The following G2E3 variants were observed in gnomAD, a reference collection of about 807,000 sequenced individuals.
G2E3 encodes the protein G2/M phase-specific E3 ubiquitin-protein ligase.
A neutral mutation model predicts 92.8 loss-of-function variants in G2E3; 35 were observed. The observed-to-expected ratio is 0.38, with a 90% CI of 0.29 to 0.50. The LOEUF (loss-of-function observed/expected upper bound fraction) is 0.50, where lower values mean the gene tolerates loss of function less well. Ranked by LOEUF, G2E3 falls within the 20% of genes least tolerant of loss-of-function variation. The pLI is 0.94. For synonymous variants in G2E3, 242 were observed against 272.4 expected (o/e 0.89, Z 1.10); for missense variants, 554 against 823.8 (o/e 0.67, Z 4.01).
At chr14:30,594,612 G>C (rs780395275) in intron 6 of G2E3, among the ~76,000 whole-genome samples, 11 of 151,836 alleles carry the variant, frequency 7.2e-5, no homozygotes, top group Non-Finnish European at 1.6e-4. Flanking sequence ...AGAATGGCAT[G>C]AACCCGGAAG....
chr14:30,608,106 A>T (rs1304371209), intron 12 of G2E3, 37 bp downstream of exon 12: 5 of 1,177,976 alleles, frequency 4.2e-6, no homozygotes, highest in South Asian at 1.6e-5. Flanking sequence ...TGCACACTAC[A>T]TTCTAGGTAT....
At chr14:30,583,368 A>T (rs1880533845) in intron 2 of G2E3, among the ~76,000 whole-genome samples, 1 of 152,192 alleles carries the variant, frequency 6.6e-6, no homozygotes, top group Non-Finnish European at 1.5e-5. Flanking sequence ...AGGTACTATT[A>T]TCCTCATTTT....
intron 1 of G2E3, among the ~76,000 whole-genome samples, chr14:30,576,100 A>G (rs1242246036): frequency 1.3e-5 from 2 of 152,188 alleles, no homozygotes; most frequent in Non-Finnish European, 2.9e-5. Flanking sequence ...GAGGCATCAC[A>G]TTACCCATCT....
In G2E3 at chr14:30,597,526, A is replaced by C; in HGVS notation, c.635A>C (p.Lys212Thr). The C allele has an allele frequency of 2.2e-6, 3 of 1,350,118 alleles. No individual in the cohort carries two copies. Among genetic ancestry groups the C allele is most frequent in the Non-Finnish European group, 3.2e-6 (3 of 939,574 alleles). The allele number at this position is 1,350,118 out of a possible 1,614,324, so 83.6% of individuals were successfully genotyped here. A position where few individuals can be genotyped will look rare whatever the true frequency, so the allele number is the denominator to read the frequency against. The part of the protein sequence containing the change: ...MLRMGIHIPE[K>T]DASWELEENA... Reference sequence around the variant, plus strand: ...AGAATGGGAATTCATATTCCTGAAAAGTGAGTAACATTTAGCCTTATGATA... The same window carrying C: ...AGAATGGGAATTCATATTCCTGAAACGTGAGTAACATTTAGCCTTATGATA... The change falls in exon 7 of 15, where the codon AAA becomes ACA. Residue 212 changes from lysine (K) to threonine (T), a missense_variant and splice_region_variant. Physicochemically the swap from Lys to Thr is moderately conservative, Grantham distance 78. This residue lies in a region of G2E3 where 20 missense variants were observed against 62.3 expected (regional missense o/e 0.32). Coordinates refer to ENST00000206595, the MANE Select transcript of G2E3 (RefSeq NM_017769.5).
At chr14:30,591,057 A>G in intron 4 of G2E3, 1 of 186,520 alleles carries the variant, frequency 5.4e-6, no homozygotes, top group South Asian at 1.0e-4. Context: ...TGGATTTTAG[A>G]TTTTTGGATT....
At chr14:30,605,390 A>C (rs1189064649) in intron 10 of G2E3, 115 bp from the exon 11 acceptor site, 7 of 473,892 alleles carry the variant, frequency 1.5e-5, no homozygotes, top group Non-Finnish European at 2.6e-5. Flanking sequence ...GAATTGGGGA[A>C]GAATATCCTA....
chr14:30,572,604 A>G (rs1879832523), intron 1 of G2E3, among the ~76,000 whole-genome samples: 1 of 152,154 alleles, frequency 6.6e-6, no homozygotes, highest in Non-Finnish European at 1.5e-5. Context: ...TTCTGCATCT[A>G]TTGAGATGGT....
Position 30,606,254 on chromosome 14 carries a change from A to G in G2E3, c.1318+442A>G, listed in dbSNP as rs140801763. Among the ~76,000 whole-genome samples the G allele has an allele frequency of 8.3e-3, 1,253 of 151,836 alleles. 11 individuals are homozygous for G. The highest frequency in any genetic ancestry group is 0.048 in the Middle Eastern group (14 of 294). On this transcript the variant is annotated intron_variant, in intron 11 of 14. Coordinates refer to ENST00000206595, the MANE Select transcript of G2E3 (RefSeq NM_017769.5). ...GTTTGCAATATTTTTTTTTTTGCAC[A>G]ATTATGTATATGATGGTTTTCTGTC...
Position 30,565,650 on chromosome 14 carries a change from C to CT in G2E3, c.-5+6407dup, listed in dbSNP as rs537643569. Among the ~76,000 whole-genome samples, 327 of 62,254 alleles carry CT rather than the reference C, an allele frequency of 5.3e-3. 83 individuals carry two copies. The highest frequency in any genetic ancestry group is 0.013 in the East Asian group (24 of 1,780). The allele number at this position is 62,254 out of a possible 152,430, so 40.8% of individuals were successfully genotyped here. ...GTGAGGTAGGGGTTCAACTTCATTC[C>CT]TTTTTTTTTTTTTTTTTTTTTTTTT... On this transcript the variant is annotated intron_variant, in intron 1 of 14. Transcript: ENST00000206595.
Position 30,602,102 on chromosome 14 carries a change from A to T in G2E3, c.981A>T (p.Ser327=). 1 of 1,610,896 alleles carries T rather than the reference A, an allele frequency of 6.2e-7. No homozygotes were observed. Among genetic ancestry groups the T allele is most frequent in the African/African-American group, 1.3e-5 (1 of 74,936 alleles). The change falls in exon 10 of 15, where the codon TCA becomes TCT. Residue 327 remains serine, a synonymous_variant. Coordinates refer to ENST00000206595, the MANE Select transcript of G2E3 (RefSeq NM_017769.5). ...CATCACCTAAATTACCCAGACAGTC[A>T]CCTGGATCCCAGAGTAAAGATCTAC... The part of the protein sequence containing the change: ...EESSPKLPRQ[S]PGSQSKDLLR...
chr14:30,610,485 G>C (rs1018992801), intron 12 of G2E3, among the ~76,000 whole-genome samples: 1 of 152,048 alleles, frequency 6.6e-6, no homozygotes, highest in Non-Finnish European at 1.5e-5. Flanking sequence ...GTGTGGTGGC[G>C]CGCGCCTATA....
chr14:30,574,295 C>A lies in G2E3; in HGVS notation c.-4-6781C>A, dbSNP rs560296602. On this transcript the variant is annotated intron_variant, in intron 1 of 14. Coordinates refer to ENST00000206595, the MANE Select transcript of G2E3 (RefSeq NM_017769.5). ...CTTAGCATAAATACAATACTTTCAA[C>A]TAAATATTGTTTTGGTCAATTGCCT... is the stretch of plus-strand genomic sequence containing the variant. Among the ~76,000 whole-genome samples the A allele has an allele frequency of 2.6e-5, 4 of 152,246 alleles. No homozygotes were observed. The South Asian group carries it at 6.2e-4, about 24-fold the overall frequency.
At chr14:30,592,202 C>T in intron 4 of G2E3, 121 bp from the exon 5 acceptor site, 1 of 842,798 alleles carries the variant, frequency 1.2e-6, no homozygotes, top group Non-Finnish European at 1.9e-6. Context: ...ACCCTTACCA[C>T]AGCTGTTACA....
intron 1 of G2E3, among the ~76,000 whole-genome samples, chr14:30,568,829 A>G (rs1398585643): frequency 1.3e-5 from 2 of 152,240 alleles, no homozygotes; most frequent in Non-Finnish European, 2.9e-5. Context: ...AAAGAGAATT[A>G]CCAAAAGTGC....
At chr14:30,580,947 G>A (rs1880398531) in intron 1 of G2E3, 129 bp from the exon 2 acceptor site, 1 of 641,046 alleles carries the variant, frequency 1.6e-6, no homozygotes, top group Admixed American at 2.8e-5. Flanking sequence ...ATGTATTAAA[G>A]GTAAGAAAAA....
At chr14:30,576,949 A>G (rs1046102554) in intron 1 of G2E3, among the ~76,000 whole-genome samples, 1 of 152,102 alleles carries the variant, frequency 6.6e-6, no homozygotes. Context: ...GGATGGGGCC[A>G]GGCACGATGG....
At chr14:30,560,558 A>G (rs1423075999) in intron 1 of G2E3, 1 of 495,844 alleles carries the variant, frequency 2.0e-6, no homozygotes, top group Non-Finnish European at 3.5e-6. Context: ...TAACAGAGAC[A>G]TTGGCTATAC....
At chr14:30,589,102 T>G (rs1162816907) in intron 3 of G2E3, among the ~76,000 whole-genome samples, 1 of 152,092 alleles carries the variant, frequency 6.6e-6, no homozygotes, top group Non-Finnish European at 1.5e-5. Context: ...ACTCACTGCC[T>G]TCTTTCCTAT....
chr14:30,593,723 C>A, intron 6 of G2E3, 84 bp downstream of exon 6: 1 of 940,374 alleles, frequency 1.1e-6, no homozygotes, highest in Non-Finnish European at 1.7e-6. Context: ...AAAGAATTGA[C>A]GTGTATATTA....
Sources: allele counts gnomAD v4.1 joint callset (sites outside exome capture counted in the v4.1 genomes callset), GRCh38; gene constraint gnomAD v4.1.1; regional missense constraint gnomAD v4.1.1; transcripts MANE v1.5; gene names NCBI Gene and HGNC (gene_info 2026-07-23, HGNC 2026-07-21).